The following SCAPER variants were observed in gnomAD, a reference collection of about 807,000 sequenced individuals.
SCAPER encodes the protein S phase cyclin A-associated protein in the endoplasmic reticulum.
SCAPER carries 98 observed loss-of-function variants against 182.2 expected under a neutral mutation model. The observed-to-expected ratio is 0.54, with a 90% CI of 0.46 to 0.64. The LOEUF (loss-of-function observed/expected upper bound fraction) is 0.64. Ranked by LOEUF, SCAPER falls within the 30% of genes least tolerant of loss-of-function variation. SCAPER has a pLI of 0.00. For missense variants in SCAPER, 1,432 were observed against 1,690.0 expected, an observed-to-expected ratio of 0.85 and a Z score of 2.68; for synonymous variants, 605 against 564.6, an observed-to-expected ratio of 1.07 and a Z score of -1.01.
At chr15:76,353,395 AT>A (rs2040730472) in intron 30 of SCAPER, among the ~76,000 whole-genome samples, 1 of 152,242 alleles carries the variant, frequency 6.6e-6, no homozygotes, top group East Asian at 1.9e-4. Flanking sequence ...GACTAAGTTA[AT>A]TTAGATGTGG....
At chr15:76,497,204 T>A (rs1749147633) in intron 24 of SCAPER, among the ~76,000 whole-genome samples, 2 of 148,710 alleles carry the variant, frequency 1.3e-5, no homozygotes, top group Admixed American at 1.4e-4. Flanking sequence ...TGAATCTACA[T>A]GATTATTCAA....
rs573494394 is a variant in SCAPER at position 76,489,361 on chromosome 15, C to A, written c.2954+15498G>T. 5.3e-5 allele frequency among the ~76,000 whole-genome samples: 8 copies of A among 151,370 alleles called. No homozygotes were observed. The South Asian group carries it at 1.7e-3, about 32-fold the overall frequency. On this transcript the variant is annotated intron_variant, in intron 24 of 31. Transcript: ENST00000563290. Reference sequence around the variant, plus strand: ...TAGCCCTTTTCTTAAAGAGTTTGAACAAATGCATTCAGTTGTGAAACCACC... The same window carrying A: ...TAGCCCTTTTCTTAAAGAGTTTGAAAAAATGCATTCAGTTGTGAAACCACC...
At chr15:76,404,433 C>T (rs1206212644) in intron 27 of SCAPER, 91 bp downstream of exon 27, 5 of 1,297,234 alleles carry the variant, frequency 3.9e-6, no homozygotes, top group African/African-American at 1.5e-5. Context: ...AAGATGACCA[C>T]TTGAATTCCT....
intron 15 of SCAPER, among the ~76,000 whole-genome samples, chr15:76,752,134 T>C (rs2151184247): frequency 6.6e-6 from 1 of 150,902 alleles, no homozygotes; most frequent in South Asian, 2.1e-4. Flanking sequence ...GAAAAGATGC[T>C]CAACATCACT....
chr15:76,775,184 G>C (rs530793784), intron 8 of SCAPER, 67 bp from the exon 9 acceptor site: 2 of 1,395,838 alleles, frequency 1.4e-6, no homozygotes, highest in East Asian at 4.9e-5. Flanking sequence ...GAAACTCATA[G>C]AATAAAAACA....
At chr15:76,747,417 G>A (rs540057496) in intron 15 of SCAPER, among the ~76,000 whole-genome samples, 2 of 152,166 alleles carry the variant, frequency 1.3e-5, no homozygotes, top group South Asian at 4.2e-4. Context: ...CAGGAGAATC[G>A]CCTGGACCCA....
intron 29 of SCAPER, among the ~76,000 whole-genome samples, chr15:76,375,210 C>T (rs1489963844): frequency 1.6e-5 from 1 of 61,132 alleles, no homozygotes; most frequent in African/African-American, 5.7e-5. Flanking sequence ...AGAGCAAGAA[C>T]TTGTCAAAAA....
chr15:76,535,232 T>C (rs2044027301), intron 23 of SCAPER, among the ~76,000 whole-genome samples: 1 of 152,018 alleles, frequency 6.6e-6, no homozygotes, highest in Non-Finnish European at 1.5e-5. Context: ...GTATAAGAAA[T>C]TCTAATTTTG....
At chr15:76,620,526 C>A (rs1449898488) in intron 22 of SCAPER, among the ~76,000 whole-genome samples, 3 of 152,098 alleles carry the variant, frequency 2.0e-5, no homozygotes, top group Non-Finnish European at 4.4e-5. Flanking sequence ...ATGCCTAATA[C>A]TTTCAGAACA....
chr15:76,384,805 C>T (rs2043187736), intron 27 of SCAPER, among the ~76,000 whole-genome samples: 1 of 152,142 alleles, frequency 6.6e-6, no homozygotes, highest in South Asian at 2.1e-4. Flanking sequence ...TTTGATTTAG[C>T]TTGAAGTACA....
At chr15:76,655,175 G>A (rs2055517252) in intron 21 of SCAPER, among the ~76,000 whole-genome samples, 2 of 152,162 alleles carry the variant, frequency 1.3e-5, no homozygotes, top group African/African-American at 4.8e-5. Context: ...CAGGAGCTGA[G>A]AGACAAAACA....
chr15:76,390,138 G>A (rs894810837), intron 27 of SCAPER, among the ~76,000 whole-genome samples: 2 of 151,928 alleles, frequency 1.3e-5, no homozygotes, highest in African/African-American at 2.4e-5. Flanking sequence ...TTAATTTTTT[G>A]TAAGATGAGG....
intron 18 of SCAPER, among the ~76,000 whole-genome samples, chr15:76,704,516 G>A (rs2059139097): frequency 6.6e-6 from 1 of 152,116 alleles, no homozygotes; most frequent in Non-Finnish European, 1.5e-5. Context: ...GTAAGGAAGG[G>A]ATCCAGTTTC....
intron 10 of SCAPER, among the ~76,000 whole-genome samples, chr15:76,767,888 A>T (rs146948124): frequency 1.4e-3 from 208 of 152,288 alleles, no homozygotes; most frequent in African/African-American, 4.9e-3. Context: ...TACAAGTAAA[A>T]GGTCTATGCT....
chr15:76,774,244 T>A (rs1258800678), intron 9 of SCAPER: 1 of 230,760 alleles, frequency 4.3e-6, no homozygotes, highest in Non-Finnish European at 8.5e-6. Context: ...CTAAATTGAA[T>A]TATGGACAAA....
rs57711951 is a variant in SCAPER at position 76,747,802 on chromosome 15, A to G, written c.1866+6006T>C. ...GTGAAGTCAGCCTGAGGCCCTCACCAAAAGTAGATGATGGTGCCATGCTTC... is the reference window on the plus strand; with the variant it reads ...GTGAAGTCAGCCTGAGGCCCTCACCGAAAGTAGATGATGGTGCCATGCTTC... On this transcript the variant is annotated intron_variant, in intron 15 of 31. Transcript: ENST00000563290. Among the ~76,000 whole-genome samples the G allele has an allele frequency of 2.7e-3, 409 of 152,182 alleles. 1 individual carries two copies. Among genetic ancestry groups the G allele is most frequent in the African/African-American group, 9.5e-3 (396 of 41,526 alleles).
At chr15:76,623,221 T>A (rs1198046249) in intron 21 of SCAPER, among the ~76,000 whole-genome samples, 1 of 152,200 alleles carries the variant, frequency 6.6e-6, no homozygotes, top group Non-Finnish European at 1.5e-5. Context: ...CCATTGACAG[T>A]TTCTTTTGCT....
chr15:76,378,130 C>T lies in SCAPER; in HGVS notation c.3706-1819G>A, dbSNP rs371928417. 3.9e-5 allele frequency among the ~76,000 whole-genome samples: 6 copies of T among 152,322 alleles called. No homozygotes were observed. In the East Asian group the frequency reaches 7.7e-4, roughly 20 times the overall value. On this transcript the variant is annotated intron_variant, in intron 28 of 31. Coordinates refer to ENST00000563290, the MANE Select transcript of SCAPER (RefSeq NM_020843.4). ...GCTCAAAGTCAGGTCATTCTGACTC[C>T]AGATTCAGGGGTCTAATGAGGATGC...
At chr15:76,587,949 T>G (rs1485973964) in intron 22 of SCAPER, among the ~76,000 whole-genome samples, 2 of 151,156 alleles carry the variant, frequency 1.3e-5, no homozygotes, top group Non-Finnish European at 2.9e-5. Flanking sequence ...TAAGACAGAG[T>G]CTTGCTCTGT....
Sources: gnomAD v4.1 joint callset for allele counts (sites outside exome capture counted in the v4.1 genomes callset) on GRCh38, gnomAD v4.1.1 for gene constraint, MANE v1.5 for transcripts, NCBI Gene and HGNC (gene_info 2026-07-23, HGNC 2026-07-21) for gene names.